Variants in FGD3 observed in about 807,000 individuals in gnomAD.
The protein encoded by FGD3 is FYVE, RhoGEF and PH domain containing 3, also known as FYVE, RhoGEF and PH domain-containing protein 3.
Under a neutral mutation model 71.8 loss-of-function variants are expected in FGD3, and 45 were observed. That is an observed-to-expected ratio of 0.63 (90% CI 0.49 to 0.80). The LOEUF (loss-of-function observed/expected upper bound fraction) is 0.80. FGD3 is among the 30% of genes least tolerant of loss of function. FGD3 has a pLI of 0.00. For missense variants in FGD3, 844 were observed against 951.5 expected (o/e 0.89, Z 1.49); for synonymous variants, 378 against 392.8 (o/e 0.96, Z 0.44).
chr9:93,013,774 A>AGG, intron 8 of FGD3, 78 bp from the exon 9 acceptor site: 1 of 1,574,910 alleles, frequency 6.3e-7, no homozygotes, highest in Non-Finnish European at 8.6e-7. Flanking sequence ...CCACGGTTGC[A>AGG]GGGAAGGACT....
chr9:93,032,838 T>C lies in FGD3; in HGVS notation c.1750T>C (p.Phe584Leu). ...SRQSRVCRDC[F>L]LTQPVAPEST... Reference sequence around the variant, plus strand: ...GCAGAGCCGTGTCTGCAGAGATTGTTTCCTGACACAGCCAGTGGCCCCTGA... The same window carrying C: ...GCAGAGCCGTGTCTGCAGAGATTGTCTCCTGACACAGCCAGTGGCCCCTGA... Residue 584 changes from phenylalanine (F) to leucine (L), a missense_variant, in exon 16 of 18, where the codon TTC becomes CTC. Coordinates refer to ENST00000375482, the MANE Select transcript of FGD3 (RefSeq NM_001083536.2). 1 of 1,614,116 alleles carries C rather than the reference T, an allele frequency of 6.2e-7. No homozygotes were observed. The highest frequency in any genetic ancestry group is 1.1e-5 in the South Asian group (1 of 91,088).
At chr9:93,004,202 C>G (rs1273319430) in intron 5 of FGD3, 65 bp downstream of exon 5, 8 of 1,590,130 alleles carry the variant, frequency 5.0e-6, no homozygotes, top group Non-Finnish European at 6.8e-6. Flanking sequence ...GTTCATGTGC[C>G]TGAGAGCGAG....
Position 93,008,191 on chromosome 9 carries a change from A to C in FGD3, c.837+2011A>C, listed in dbSNP as rs922962518. Among the ~76,000 whole-genome samples the C allele has an allele frequency of 2.0e-5, 3 of 152,204 alleles. 1 individual carries two copies. The highest frequency in any genetic ancestry group is 2.0e-4 in the Admixed American group (3 of 15,268). ...GATGACTTTTGAGCGTTTTGAAACTAAGTTGCAGACACCGTAACCCTTTAT... is the reference window on the plus strand; with the variant it reads ...GATGACTTTTGAGCGTTTTGAAACTCAGTTGCAGACACCGTAACCCTTTAT... On this transcript the variant is annotated intron_variant, in intron 6 of 17. Transcript: ENST00000375482.
intron 14 of FGD3, among the ~76,000 whole-genome samples, chr9:93,023,852 A>G (rs1587867350): frequency 7.9e-6 from 1 of 127,242 alleles, no homozygotes; most frequent in Admixed American, 1.0e-4. Flanking sequence ...CCCAGGCCGG[A>G]GTGCGGTGGC....
intron 1 of FGD3, among the ~76,000 whole-genome samples, chr9:92,962,816 C>G (rs1398074334): frequency 6.6e-6 from 1 of 151,838 alleles, no homozygotes; most frequent in African/African-American, 2.4e-5. Context: ...TGGTGGGCAC[C>G]TATAATCCCA....
intron 16 of FGD3, chr9:93,033,491 T>TCCTCCC (rs1390614713): frequency 1.9e-5 from 3 of 159,362 alleles, no homozygotes; most frequent in Non-Finnish European, 4.2e-5. Context: ...CTCTCCCTCC[T>TCCTCCC]CCTCCCCCTC....
At chr9:93,030,385 T>C (rs1862309167) in intron 15 of FGD3, among the ~76,000 whole-genome samples, 1 of 152,112 alleles carries the variant, frequency 6.6e-6, no homozygotes, top group Admixed American at 6.5e-5. Flanking sequence ...GCCCCAGCGC[T>C]CCAGTGGTGC....
intron 1 of FGD3, among the ~76,000 whole-genome samples, chr9:92,955,037 T>A (rs1430515807): frequency 6.6e-6 from 1 of 152,000 alleles, no homozygotes; most frequent in East Asian, 1.9e-4. Context: ...CTAAAGCTGG[T>A]GTGGTCAGGT....
chr9:92,992,060 T>C (rs1356435706), intron 3 of FGD3, among the ~76,000 whole-genome samples: 1 of 152,210 alleles, frequency 6.6e-6, no homozygotes, highest in African/African-American at 2.4e-5. Context: ...GGGGAGTTTC[T>C]TGTGGACAGC....
At chr9:93,024,673 G>A (rs940181943) in intron 14 of FGD3, among the ~76,000 whole-genome samples, 27 of 152,078 alleles carry the variant, frequency 1.8e-4, no homozygotes, top group African/African-American at 4.8e-4. Flanking sequence ...TGGAGGCCAC[G>A]TGCTGAGGGA....
In FGD3 at chr9:93,022,365, C is replaced by T. The variant is rs374683812; in HGVS notation, c.1533C>T (p.Thr511=). 141 of 1,612,524 alleles carry T rather than the reference C, an allele frequency of 8.7e-5. No individual in the cohort carries two copies. In the African/African-American group the frequency reaches 1.6e-3, roughly 18 times the overall value. ...STSPVEPVVT[T]EGSSGAAGLE... is the part of the protein sequence containing the mutation. ...GCCCTGTGGAGCCTGTGGTGACCACCGAAGGCAGTTCGGGTGCAGCAGGGG... is the reference window on the plus strand; with the variant it reads ...GCCCTGTGGAGCCTGTGGTGACCACTGAAGGCAGTTCGGGTGCAGCAGGGG... The change falls in exon 14 of 18, where the codon ACC becomes ACT. Residue 511 remains threonine (T), a synonymous_variant. Transcript: ENST00000375482.
At position 93,015,276 on chromosome 9, in the gene FGD3, C is replaced by T. The variant is rs188033151; in HGVS notation, c.1183-461C>T. ...TTTGAGACCAGCCTGGCCAACATGG[C>T]GAAACCCCATCTCTACTAAAAATGC... On this transcript the variant is annotated intron_variant, in intron 9 of 17. Coordinates refer to ENST00000375482, the MANE Select transcript of FGD3 (RefSeq NM_001083536.2). Among the ~76,000 whole-genome samples, 263 of 151,978 alleles carry T rather than the reference C, an allele frequency of 1.7e-3. 1 individual carries two copies. Among genetic ancestry groups the T allele is most frequent in the Middle Eastern group, 3.4e-3 (1 of 294 alleles).
intron 3 of FGD3, among the ~76,000 whole-genome samples, chr9:92,999,087 C>T (rs1044640000): frequency 6.6e-6 from 1 of 152,218 alleles, no homozygotes; most frequent in Admixed American, 6.5e-5. Flanking sequence ...TCTACAGAGG[C>T]AGGCAGGCTT....
chr9:92,963,433 G>A (rs977953698), intron 1 of FGD3, among the ~76,000 whole-genome samples: 1 of 152,164 alleles, frequency 6.6e-6, no homozygotes, highest in Admixed American at 6.5e-5. Context: ...CTTAGTAGCT[G>A]GGATTACAAG....
chr9:93,025,341 C>T (rs1408824844), intron 14 of FGD3, among the ~76,000 whole-genome samples: 1 of 152,210 alleles, frequency 6.6e-6, no homozygotes, highest in African/African-American at 2.4e-5. Context: ...CAGCCCAGGG[C>T]CTCCCTACGA....
intron 9 of FGD3, 62 bp downstream of exon 9, chr9:93,014,060 G>C: frequency 6.5e-7 from 1 of 1,534,412 alleles, no homozygotes; most frequent in South Asian, 1.3e-5. Flanking sequence ...TCAAGCCCAG[G>C]GCAGTGCCAG....
intron 3 of FGD3, among the ~76,000 whole-genome samples, chr9:92,979,957 T>G (rs1859922247): frequency 1.3e-5 from 2 of 152,016 alleles, no homozygotes; most frequent in Admixed American, 1.3e-4. Flanking sequence ...TCTCTCTCTT[T>G]TTTTTTTTGA....
chr9:92,965,606 C>T (rs551374043), intron 1 of FGD3, among the ~76,000 whole-genome samples: 85 of 152,356 alleles, frequency 5.6e-4, no homozygotes, highest in African/African-American at 1.9e-3. Context: ...TGGAATGACA[C>T]GAGGCCGAGT....
Position 92,994,959 on chromosome 9 carries a change from T to C in FGD3, c.454-7966T>C, listed in dbSNP as rs577519779. ...TTAGGATTGTCTTGGCAATGCGGGCTCTTTTTTGGTTCCATATGAACTTTA... is the reference window on the plus strand; with the variant it reads ...TTAGGATTGTCTTGGCAATGCGGGCCCTTTTTTGGTTCCATATGAACTTTA... On this transcript the variant is annotated intron_variant, in intron 3 of 17. Transcript: ENST00000375482. Among the ~76,000 whole-genome samples the C allele has an allele frequency of 2.3e-3, 356 of 152,370 alleles. 1 individual carries two copies. The highest frequency in any genetic ancestry group is 7.9e-3 in the African/African-American group (327 of 41,588).
Sources: gnomAD v4.1 joint callset for allele counts (sites outside exome capture counted in the v4.1 genomes callset) on GRCh38, gnomAD v4.1.1 for gene constraint, MANE v1.5 for transcripts, NCBI Gene and HGNC (gene_info 2026-07-23, HGNC 2026-07-21) for gene names.